Variants in KCNQ1OT1 observed in about 807,000 individuals in gnomAD.
KCNQ1OT1 encodes KCNQ1 opposite strand/antisense transcript 1.
Position 2,683,908 on chromosome 11 carries a change from G to A in KCNQ1OT1, n.16087C>T, listed in dbSNP as rs1027386810. ...ATAAATGCAAAAGATGGCCAAAGGT[G>A]CATGCTCTGTGACACGTTTCATAGT... On this transcript the variant is annotated non_coding_transcript_exon_variant, in exon 1 of 1. Transcript: ENST00000597346. The surrounding 1 kb of genome is among the most constrained non-coding windows in gnomAD (Gnocchi z 4.7). The A allele has an allele frequency of 2.3e-5, 9 of 397,070 alleles. No individual in the cohort carries two copies. The highest frequency in any genetic ancestry group is 4.0e-5 in the Non-Finnish European group (9 of 225,940). 24.6% of individuals were successfully genotyped at this position (397,070 alleles called of 1,614,324 possible).
exon 1 of KCNQ1OT1, chr11:2,689,864 C>A: frequency 2.5e-6 from 1 of 398,838 alleles, no homozygotes; most frequent in Non-Finnish European, 4.4e-6. Flanking sequence ...AGCACCCACC[C>A]CTGCCTATCC....
At chr11:2,635,389 T>A (rs1849446940) in exon 1 of KCNQ1OT1, 1 of 152,230 alleles carries the variant, frequency 6.6e-6, no homozygotes, top group Non-Finnish European at 1.5e-5. Flanking sequence ...CAGTTTCAGC[T>A]TTCTACATAT....
chr11:2,680,671 C>G, exon 1 of KCNQ1OT1: 1 of 398,592 alleles, frequency 2.5e-6, no homozygotes. Flanking sequence ...CAGGACATTT[C>G]TAACTCTTCA....
rs940147391 is a variant in KCNQ1OT1 at position 2,617,087 on chromosome 11, G to A, written n.82908C>T. ...CAGTTATTCTTTTGTGTGTATGAGT[G>A]AGAAAAGCTATGATCTACTCAATTG... On this transcript the variant is annotated non_coding_transcript_exon_variant, in exon 1 of 1. Coordinates refer to ENST00000597346, the Ensembl canonical transcript of KCNQ1OT1. The surrounding 1 kb of genome is among the most constrained non-coding windows in gnomAD (Gnocchi z 4.6). 5.5e-5 allele frequency: 22 copies of A among 398,048 alleles called. No homozygotes were observed. The highest frequency in any genetic ancestry group is 9.3e-5 in the Non-Finnish European group (21 of 225,868). The allele number at this position is 398,048 out of a possible 1,614,324, so 24.7% of individuals were successfully genotyped here. A position where few individuals can be genotyped will look rare whatever the true frequency, so the allele number is the denominator to read the frequency against.
chr11:2,619,954 T>A, exon 1 of KCNQ1OT1: 1 of 351,120 alleles, frequency 2.8e-6, no homozygotes, highest in Non-Finnish European at 4.9e-6. Flanking sequence ...GGAGTGTGGA[T>A]AAGCCTATCA....
At chr11:2,615,984 T>G (rs1849056719) in exon 1 of KCNQ1OT1, 1 of 398,088 alleles carries the variant, frequency 2.5e-6, no homozygotes, top group Non-Finnish European at 4.4e-6. Flanking sequence ...ACGCCATCTG[T>G]GTAGCATTTT....
In KCNQ1OT1 at chr11:2,612,740, T is replaced by G. The variant is rs114547209; in HGVS notation, n.87255A>C. On this transcript the variant is annotated non_coding_transcript_exon_variant, in exon 1 of 1. Transcript: ENST00000597346. The surrounding 1 kb of genome is among the most constrained non-coding windows in gnomAD (Gnocchi z 5.5). ...CCTAACATTTGGGGCCCTTCAGAGA[T>G]AATTCCTATTTATTGCTCATTATTC... 2,176 of 398,602 alleles carry G rather than the reference T, an allele frequency of 5.5e-3. 31 individuals are homozygous for G. Among genetic ancestry groups the G allele is most frequent in the African/African-American group, 0.034 (1,679 of 48,742 alleles). 24.7% of individuals were successfully genotyped at this position (398,602 alleles called of 1,614,324 possible). A position where few individuals can be genotyped will look rare whatever the true frequency, so the allele number is the denominator to read the frequency against.
chr11:2,663,535 G>A lies in KCNQ1OT1; in HGVS notation n.36460C>T, dbSNP rs1424468549. 6 of 398,626 alleles carry A rather than the reference G, an allele frequency of 1.5e-5. No individual in the cohort carries two copies. Among genetic ancestry groups the A allele is most frequent in the Non-Finnish European group, 2.7e-5 (6 of 226,090 alleles). 24.7% of individuals were successfully genotyped at this position (398,626 alleles called of 1,614,324 possible). A position where few individuals can be genotyped will look rare whatever the true frequency, so the allele number is the denominator to read the frequency against. ...TGCCTCTTGGCTGTCCCCTCAGAGA[G>A]GGGACTGTCCCTTCTCATCCTTCTG... On this transcript the variant is annotated non_coding_transcript_exon_variant, in exon 1 of 1. Coordinates refer to ENST00000597346, the Ensembl canonical transcript of KCNQ1OT1. This position sits in a 1 kb window ranked among gnomAD's most constrained non-coding sequence, Gnocchi z 5.2.
At position 2,640,747 on chromosome 11, in the gene KCNQ1OT1, A is replaced by G. The variant is rs1849562371; in HGVS notation, n.59248T>C. 1.0e-5 allele frequency: 4 copies of G among 398,470 alleles called. No individual in the cohort carries two copies. In the East Asian group the frequency reaches 1.1e-4, roughly 11 times the overall value. 24.7% of individuals were successfully genotyped at this position (398,470 alleles called of 1,614,324 possible). ...TACATTATATTGTTAAATATAGTCAACCAACTCTTATCAAACATTATAAAT... is the reference window on the plus strand; with the variant it reads ...TACATTATATTGTTAAATATAGTCAGCCAACTCTTATCAAACATTATAAAT... On this transcript the variant is annotated non_coding_transcript_exon_variant, in exon 1 of 1. Transcript: ENST00000597346.
Position 2,608,410 on chromosome 11 carries a change from A to T in KCNQ1OT1, n.91585T>A, listed in dbSNP as rs1848916101. 1 of 398,518 alleles carries T rather than the reference A, an allele frequency of 2.5e-6. No individual in the cohort carries two copies. Among genetic ancestry groups the T allele is most frequent in the Admixed American group, 4.4e-5 (1 of 22,716 alleles). 24.7% of individuals were successfully genotyped at this position (398,518 alleles called of 1,614,324 possible). A position where few individuals can be genotyped will look rare whatever the true frequency, so the allele number is the denominator to read the frequency against. ...ATAATTTATTGGCACAAAATTGTTC[A>T]TAGTGTTCCTTCATAATCCTTTTTA... On this transcript the variant is annotated non_coding_transcript_exon_variant, in exon 1 of 1. Transcript: ENST00000597346. This position sits in a 1 kb window ranked among gnomAD's most constrained non-coding sequence, Gnocchi z 4.6.
rs528342834 is a variant in KCNQ1OT1 at position 2,627,425 on chromosome 11, CTA to C, written n.72568_72569del. On this transcript the variant is annotated non_coding_transcript_exon_variant, in exon 1 of 1. Coordinates refer to ENST00000597346, the Ensembl canonical transcript of KCNQ1OT1. The surrounding 1 kb of genome is among the most constrained non-coding windows in gnomAD (Gnocchi z 4.9). ...TCAAGAACTTATTCATCTGATAACT[CTA>C]TGTTTGTACCCTTCAACATTTCCTA... The C allele has an allele frequency of 8.8e-5, 35 of 398,516 alleles. No homozygotes were observed. The highest frequency in any genetic ancestry group is 7.0e-4 in the African/African-American group (34 of 48,742). The allele number at this position is 398,516 out of a possible 1,614,324, so 24.7% of individuals were successfully genotyped here.
At chr11:2,610,713 T>TG (rs2133790355) in exon 1 of KCNQ1OT1, 1 of 384,310 alleles carries the variant, frequency 2.6e-6, no homozygotes, top group East Asian at 3.7e-5. Context: ...TATTCTTGGT[T>TG]GGCTTTTTTT....
At chr11:2,680,932 T>TA (rs1223943337) in exon 1 of KCNQ1OT1, 2 of 398,518 alleles carry the variant, frequency 5.0e-6, no homozygotes, top group African/African-American at 4.1e-5. Flanking sequence ...TTTGTATTTT[T>TA]AAAGCTGATG....
chr11:2,656,292 G>A, exon 1 of KCNQ1OT1: 1 of 398,582 alleles, frequency 2.5e-6, no homozygotes, highest in East Asian at 3.6e-5. Context: ...CTCTAAAATG[G>A]GGGCAGTAAC....
exon 1 of KCNQ1OT1, chr11:2,625,661 T>C (rs1009849776): frequency 1.5e-5 from 6 of 397,172 alleles, no homozygotes; most frequent in African/African-American, 1.0e-4. Flanking sequence ...CTGCAACCTC[T>C]GCCTCCTGGG....
chr11:2,655,896 G>A (rs1248962561), exon 1 of KCNQ1OT1: 2 of 398,574 alleles, frequency 5.0e-6, no homozygotes, highest in African/African-American at 4.1e-5. Flanking sequence ...TTGTTATAGG[G>A]GCCCCATATG....
At chr11:2,632,915 T>C (rs1235143264) in exon 1 of KCNQ1OT1, 2 of 398,390 alleles carry the variant, frequency 5.0e-6, no homozygotes, top group Admixed American at 4.4e-5. Flanking sequence ...ACTGATTTCC[T>C]TTCCTTTGAG....
chr11:2,630,171 ATGAT>A (rs1439634359), exon 1 of KCNQ1OT1: 1 of 398,220 alleles, frequency 2.5e-6, no homozygotes, highest in Non-Finnish European at 4.4e-6. Flanking sequence ...ACTTATCAAA[ATGAT>A]TGTATGATTT....
exon 1 of KCNQ1OT1, chr11:2,625,584 T>C: frequency 2.5e-6 from 1 of 397,316 alleles, no homozygotes. Flanking sequence ...TGCCCTTTTT[T>C]TTTTTTTTTT....
Sources: gnomAD v4.1 joint callset for allele counts on GRCh38, gnomAD v4.1.1 for gene constraint, Gnocchi (gnomAD v3.1) non-coding constraint, MANE v1.5 for transcripts, NCBI Gene and HGNC (gene_info 2026-07-23, HGNC 2026-07-21) for gene names.